Variants in TNFRSF12A observed in about 807,000 individuals in gnomAD.
TNFRSF12A encodes tumor necrosis factor receptor superfamily member 12A.
In TNFRSF12A, 13 loss-of-function variants were observed where a neutral mutation model predicts 15.5. That is an observed-to-expected ratio of 0.84 (90% confidence interval 0.54 to 1.33). TNFRSF12A has a LOEUF of 1.33. TNFRSF12A is among the 40% of genes most tolerant of loss of function. TNFRSF12A has a pLI of 0.00. For synonymous variants in TNFRSF12A, 89 were observed against 78.4 expected (o/e 1.14, Z -0.71); for missense variants, 174 against 173.6 (o/e 1.00, Z -0.01).
intron 2 of TNFRSF12A, 73 bp from the exon 3 acceptor site, chr16:3,021,482 G>A: frequency 6.8e-7 from 1 of 1,469,308 alleles, no homozygotes; most frequent in Non-Finnish European, 9.0e-7. Context: ...TTGGGAGAAG[G>A]CAGAAGGCTC....
At position 3,021,943 on chromosome 16, in the gene TNFRSF12A, G is replaced by A. The variant is rs558334556; in HGVS notation, c.*117G>A. The A allele has an allele frequency of 1.1e-5, 13 of 1,183,022 alleles. No homozygotes were observed. Among genetic ancestry groups the A allele is most frequent in the Admixed American group, 9.1e-5 (4 of 43,756 alleles). 73.3% of individuals were successfully genotyped at this position (1,183,022 alleles called of 1,614,324 possible). ...AAGCTCCTCCAACCACAAGGGGGGT[G>A]GGGGGCGGTGAATCACCTCTGAGGC... On this transcript the variant is annotated 3_prime_UTR_variant, in exon 4 of 4. Coordinates refer to ENST00000326577, the MANE Select transcript of TNFRSF12A (RefSeq NM_016639.3).
chr16:3,020,711 G>A (rs2072601921), intron 1 of TNFRSF12A: 1 of 400,506 alleles, frequency 2.5e-6, no homozygotes, highest in Admixed American at 4.4e-5. Context: ...TGGGGTTGGG[G>A]GGGGTCTTCA....
Position 3,021,643 on chromosome 16 carries a change from T to G in TNFRSF12A, c.288T>G (p.Ser96=). The G allele has an allele frequency of 6.2e-7, 1 of 1,613,822 alleles. No homozygotes were observed. The highest frequency in any genetic ancestry group is 8.5e-7 in the Non-Finnish European group (1 of 1,179,986). ...LSLTFVLGLL[S]GFLVWRRCRR... ...TGACCTTCGTGCTGGGGCTGCTTTC[T>G]GGCTTTTTGGTCTGGAGACGATGCC... The change falls in exon 3 of 4, where the codon TCT becomes TCG. Residue 96 remains serine, a synonymous_variant. Coordinates refer to ENST00000326577, the MANE Select transcript of TNFRSF12A (RefSeq NM_016639.3).
Position 3,021,221 on chromosome 16 carries a change from C to A in TNFRSF12A, c.101C>A (p.Ala34Asp). ...SVAGEQAPGT[A>D]PCSRGSSWSA... is the part of the protein sequence containing the mutation. ...CCCGAGGCCCCCTCCCCAGGCACCG[C>A]CCCCTGCTCCCGCGGCAGCTCCTGG... Residue 34 changes from alanine to aspartate, a missense_variant, in exon 2 of 4, where the codon GCC (alanine) becomes GAC (aspartate). Transcript: ENST00000326577. 1 of 1,577,958 alleles carries A rather than the reference C, an allele frequency of 6.3e-7. No homozygotes were observed. Among genetic ancestry groups the A allele is most frequent in the Non-Finnish European group, 8.6e-7 (1 of 1,167,174 alleles).
rs376963832 is a variant in TNFRSF12A, at chr16:3,021,293, G to T, written c.173G>T (p.Arg58Leu). The T allele has an allele frequency of 1.9e-6, 3 of 1,586,718 alleles. No homozygotes were observed. Among genetic ancestry groups the T allele is most frequent in the Non-Finnish European group, 1.7e-6 (2 of 1,171,998 alleles). The change falls in exon 2 of 4, where the codon CGA becomes CTA. Residue 58 changes from arginine to leucine, a missense_variant. Transcript: ENST00000326577. The part of the protein sequence containing the change: ...KCMDCASCRA[R>L]PHSDFCLGCA... Reference sequence around the variant, plus strand: ...ATGGACTGCGCGTCTTGCAGGGCGCGACCGCACAGCGACTTCTGCCTGGGC... The same window carrying T: ...ATGGACTGCGCGTCTTGCAGGGCGCTACCGCACAGCGACTTCTGCCTGGGC...
rs13209 is a variant in TNFRSF12A, at chr16:3,021,963, T to C, written c.*137T>C. 0.24 allele frequency: 222,002 copies of C among 933,164 alleles called. 28,189 individuals carry two copies. Among genetic ancestry groups the C allele is most frequent in the Admixed American group, 0.35 (13,645 of 39,500 alleles). The allele number at this position is 933,164 out of a possible 1,614,324, so 57.8% of individuals were successfully genotyped here. On this transcript the variant is annotated 3_prime_UTR_variant, in exon 4 of 4. Coordinates refer to ENST00000326577, the MANE Select transcript of TNFRSF12A (RefSeq NM_016639.3). ...GGGGTGGGGGGCGGTGAATCACCTC[T>C]GAGGCCTGGGCCCAGGGTTCAGGGG...
chr16:3,021,432 G>A, intron 2 of TNFRSF12A, 113 bp downstream of exon 2: 1 of 1,414,442 alleles, frequency 7.1e-7, no homozygotes, highest in African/African-American at 1.4e-5. Context: ...GGGAGGAGGT[G>A]GGAGCTGGGA....
chr16:3,020,548 G>T, intron 1 of TNFRSF12A, 57 bp downstream of exon 1: 1 of 1,211,488 alleles, frequency 8.3e-7, no homozygotes, highest in Non-Finnish European at 1.0e-6. Flanking sequence ...GCCGGACTGG[G>T]TGTCTGGAGA....
Position 3,021,627 on chromosome 16 carries a change from T to C in TNFRSF12A, c.272T>C (p.Val91Ala), listed in dbSNP as rs776421210. 9.3e-6 allele frequency: 15 copies of C among 1,613,574 alleles called. No homozygotes were observed. The African/African-American group carries it at 1.3e-4, about 14-fold the overall frequency. ...ILGGALSLTFVLGLLSGFLVW... is the reference protein window; with the variant it reads ...ILGGALSLTFALGLLSGFLVW... Reference sequence around the variant, plus strand: ...GGGGGCGCTCTGAGCCTGACCTTCGTGCTGGGGCTGCTTTCTGGCTTTTTG... The same window carrying C: ...GGGGGCGCTCTGAGCCTGACCTTCGCGCTGGGGCTGCTTTCTGGCTTTTTG... The change falls in exon 3 of 4, where the codon GTG becomes GCG. Residue 91 changes from valine (V) to alanine (A), a missense_variant. Coordinates refer to ENST00000326577, the MANE Select transcript of TNFRSF12A (RefSeq NM_016639.3).
Position 3,021,310 on chromosome 16 carries a change from T to G in TNFRSF12A, c.190T>G (p.Cys64Gly). ...SCRARPHSDF[C>G]LGCAAAPPAP... ...CAGGGCGCGACCGCACAGCGACTTCTGCCTGGGCTGTGAGTGGGGGGCAGG... is the reference window on the plus strand; with the variant it reads ...CAGGGCGCGACCGCACAGCGACTTCGGCCTGGGCTGTGAGTGGGGGGCAGG... The change falls in exon 2 of 4, where the codon TGC becomes GGC. Residue 64 changes from cysteine (C) to glycine (G), a missense_variant. Coordinates refer to ENST00000326577, the MANE Select transcript of TNFRSF12A (RefSeq NM_016639.3). 1 of 1,579,896 alleles carries G rather than the reference T, an allele frequency of 6.3e-7. No individual in the cohort carries two copies. The highest frequency in any genetic ancestry group is 8.6e-7 in the Non-Finnish European group (1 of 1,169,032).
chr16:3,021,465 G>A, intron 2 of TNFRSF12A, 90 bp from the exon 3 acceptor site: 3 of 1,452,746 alleles, frequency 2.1e-6, no homozygotes, highest in Non-Finnish European at 2.7e-6. Context: ...CAGGGAGGAG[G>A]CCACGTTTGG....
intron 2 of TNFRSF12A, 33 bp downstream of exon 2, chr16:3,021,352 C>T (rs753861680): frequency 1.3e-5 from 20 of 1,519,368 alleles, no homozygotes; most frequent in Non-Finnish European, 1.8e-5. Context: ...GGCCAGCGGA[C>T]CCCAGACTGG....
intron 1 of TNFRSF12A, 184 bp downstream of exon 1, chr16:3,020,675 G>A (rs2072601462): frequency 1.9e-5 from 8 of 411,640 alleles, no homozygotes; most frequent in Non-Finnish European, 3.3e-5. Context: ...TCACAATCCG[G>A]GCCTCAGTTT....
chr16:3,020,546 G>A (rs2072600515), intron 1 of TNFRSF12A, 55 bp downstream of exon 1: 14 of 1,217,962 alleles, frequency 1.1e-5, no homozygotes, highest in Middle Eastern at 2.1e-4. Flanking sequence ...GAGCCGGACT[G>A]GGTGTCTGGA....
At chr16:3,021,749 G>C (rs1223967560) in intron 3 of TNFRSF12A, 22 bp from the exon 4 acceptor site, 1 of 1,611,398 alleles carries the variant, frequency 6.2e-7, no homozygotes, top group Admixed American at 1.7e-5. Flanking sequence ...TGCTGCTGAC[G>C]ACCCCACCTC....
chr16:3,021,382 G>T, intron 2 of TNFRSF12A, 63 bp downstream of exon 2: 2 of 1,447,482 alleles, frequency 1.4e-6, no homozygotes, highest in Non-Finnish European at 1.8e-6. Context: ...TGGCTGGTGC[G>T]CAGAGCGGGG....
chr16:3,022,042 C>T lies in TNFRSF12A; in HGVS notation c.*216C>T, dbSNP rs574407521. 21 of 562,530 alleles carry T rather than the reference C, an allele frequency of 3.7e-5. No homozygotes were observed. The highest frequency in any genetic ancestry group is 3.6e-4 in the African/African-American group (19 of 52,386). The allele number at this position is 562,530 out of a possible 1,614,324, so 34.8% of individuals were successfully genotyped here. On this transcript the variant is annotated 3_prime_UTR_variant, in exon 4 of 4. Coordinates refer to ENST00000326577, the MANE Select transcript of TNFRSF12A (RefSeq NM_016639.3). ...CTCTGGCTCCAGAACAGAAAGGGAG[C>T]CTCACGCTGGCTCACACAAAACAGC...
At chr16:3,021,126 T>C in intron 1 of TNFRSF12A, 89 bp from the exon 2 acceptor site, 1 of 667,516 alleles carries the variant, frequency 1.5e-6, no homozygotes. Context: ...CGCCGGTGAC[T>C]CACGTTATTC....
intron 2 of TNFRSF12A, 91 bp from the exon 3 acceptor site, chr16:3,021,464 G>A: frequency 6.9e-7 from 1 of 1,449,362 alleles, no homozygotes; most frequent in Non-Finnish European, 9.1e-7. Context: ...TCAGGGAGGA[G>A]GCCACGTTTG....
Sources: allele counts gnomAD v4.1 joint callset, GRCh38; gene constraint gnomAD v4.1.1; transcripts MANE v1.5; gene names NCBI Gene and HGNC (gene_info 2026-07-23, HGNC 2026-07-21).